The following LONRF1 variants were observed in gnomAD, a reference collection of about 807,000 sequenced individuals.
LONRF1 encodes the protein LON peptidase N-terminal domain and ring finger 1.
In LONRF1, 37 loss-of-function variants were observed where a neutral mutation model predicts 85.8. That is an observed-to-expected ratio of 0.43 (90% CI 0.33 to 0.57). The LOEUF is 0.57. Ranked by LOEUF, LONRF1 falls within the 20% of genes least tolerant of loss-of-function variation. The pLI is 0.04. For missense variants in LONRF1, 1,036 were observed against 978.0 expected, an observed-to-expected ratio of 1.06 and a Z score of -0.79; for synonymous variants, 517 against 390.1, an observed-to-expected ratio of 1.33 and a Z score of -3.83.
chr8:12,740,841 A>G (rs1312455570), intron 3 of LONRF1, 33 bp downstream of exon 3: 5 of 1,609,838 alleles, frequency 3.1e-6, no homozygotes, highest in Non-Finnish European at 3.4e-6. Context: ...TCTTAGCCCT[A>G]CCATGAACTG....
At chr8:12,737,948 A>C in intron 4 of LONRF1, 47 bp downstream of exon 4, 1 of 1,550,022 alleles carries the variant, frequency 6.5e-7, no homozygotes. Flanking sequence ...TTAACTCGTA[A>C]AGAAATGGAT....
In LONRF1 at chr8:12,755,319, G is replaced by A. The variant is rs1188961472; in HGVS notation, c.102C>T (p.Ser34=). The part of the protein sequence containing the change: ...RGRFWEVGGG[S]GHRLERAAAE... Reference sequence around the variant, plus strand: ...CGGCCGCGCGCTCCAGCCGATGGCCGCTGCCGCCGCCCACTTCCCAGAACC... The same window carrying A: ...CGGCCGCGCGCTCCAGCCGATGGCCACTGCCGCCGCCCACTTCCCAGAACC... Residue 34 remains serine, a synonymous_variant, in exon 1 of 12, where the codon AGC becomes AGT. Coordinates refer to ENST00000398246, the MANE Select transcript of LONRF1 (RefSeq NM_152271.5). 2 of 1,253,190 alleles carry A rather than the reference G, an allele frequency of 1.6e-6. No homozygotes were observed. Among genetic ancestry groups the A allele is most frequent in the African/African-American group, 1.6e-5 (1 of 63,502 alleles). The allele number at this position is 1,253,190 out of a possible 1,614,324, so 77.6% of individuals were successfully genotyped here.
intron 1 of LONRF1, among the ~76,000 whole-genome samples, chr8:12,747,789 T>C (rs1251121283): frequency 6.6e-6 from 1 of 152,004 alleles, no homozygotes; most frequent in Non-Finnish European, 1.5e-5. Flanking sequence ...AACTGGCTCA[T>C]TTCAGTTCAA....
Position 12,755,114 on chromosome 8 carries a change from G to C in LONRF1, c.307C>G (p.Leu103Val). 1 of 1,460,086 alleles carries C rather than the reference G, an allele frequency of 6.8e-7. No individual in the cohort carries two copies. Among genetic ancestry groups the C allele is most frequent in the Non-Finnish European group, 9.0e-7 (1 of 1,110,530 alleles). 90.4% of individuals were successfully genotyped at this position (1,460,086 alleles called of 1,614,324 possible). ...LVFNYRLRHG[L>V]GWSAAPVAGA... ...GCAACCGGGGCCGCGCTCCAGCCCA[G>C]CCCGTGGCGGAGCCGGTAGTTGAAC... Residue 103 changes from leucine (L) to valine (V), a missense_variant, in exon 1 of 12, where the codon CTG becomes GTG. Physicochemically the swap from Leu to Val is conservative, Grantham distance 32. Transcript: ENST00000398246.
chr8:12,755,475 G>A lies in LONRF1; in HGVS notation c.-55C>T, dbSNP rs1446459190. ...CGCCGCCACGGTCCCGGAGCCTCCC[G>A]GGCGCGCGGCTCCGCACGCGGCCCG... On this transcript the variant is annotated 5_prime_UTR_variant, in exon 1 of 12. Coordinates refer to ENST00000398246, the MANE Select transcript of LONRF1 (RefSeq NM_152271.5). 2.0e-6 allele frequency: 2 copies of A among 1,005,374 alleles called. No homozygotes were observed. Among genetic ancestry groups the A allele is most frequent in the Non-Finnish European group, 2.4e-6 (2 of 827,792 alleles). The allele number at this position is 1,005,374 out of a possible 1,614,324, so 62.3% of individuals were successfully genotyped here. A position where few individuals can be genotyped will look rare whatever the true frequency, so the allele number is the denominator to read the frequency against.
chr8:12,728,866 A>G (rs763649656), intron 10 of LONRF1, 35 bp downstream of exon 10: 4 of 1,612,190 alleles, frequency 2.5e-6, no homozygotes, highest in South Asian at 1.1e-5. Context: ...AACAGGATAT[A>G]CGAAAGTATG....
At chr8:12,723,740 T>C (rs998829195) in intron 11 of LONRF1, among the ~76,000 whole-genome samples, 8 of 152,266 alleles carry the variant, frequency 5.3e-5, no homozygotes, top group Admixed American at 1.3e-4. Context: ...ATGCCCCTAG[T>C]TGACAGCCAC....
intron 3 of LONRF1, among the ~76,000 whole-genome samples, 174 bp downstream of exon 3, chr8:12,740,700 A>G (rs1034217914): frequency 2.0e-5 from 3 of 152,216 alleles, no homozygotes; most frequent in Non-Finnish European, 2.9e-5. Context: ...GATTTCACTA[A>G]GAACTCAATA....
At position 12,736,682 on chromosome 8, in the gene LONRF1, T is replaced by C. The variant is rs749227459; in HGVS notation, c.1451+19A>G. ...ACTAACATAAAATATTCATCTTCTA[T>C]AAAGTTTTATATGCTTACCTCATGC... is the stretch of plus-strand genomic sequence containing the variant. On this transcript the variant is annotated intron_variant, in intron 6 of 11. Coordinates refer to ENST00000398246, the MANE Select transcript of LONRF1 (RefSeq NM_152271.5). The C allele has an allele frequency of 6.6e-7, 1 of 1,518,202 alleles. No individual in the cohort carries two copies. The highest frequency in any genetic ancestry group is 9.0e-7 in the Non-Finnish European group (1 of 1,108,504). The allele number at this position is 1,518,202 out of a possible 1,614,324, so 94.0% of individuals were successfully genotyped here. A position where few individuals can be genotyped will look rare whatever the true frequency, so the allele number is the denominator to read the frequency against.
Position 12,755,228 on chromosome 8 carries a change from T to C in LONRF1, c.193A>G (p.Lys65Glu). The change falls in exon 1 of 12, where the codon AAG (lysine) becomes GAG (glutamate). Residue 65 changes from lysine (K) to glutamate (E), a missense_variant. Lys to Glu is a moderately conservative substitution (Grantham distance 56, BLOSUM62 1). This residue lies in a region of LONRF1 where 742 missense variants were observed against 614.4 expected (regional missense o/e 1.21). Coordinates refer to ENST00000398246, the MANE Select transcript of LONRF1 (RefSeq NM_152271.5). ...GCCGCGAACGCCTCCAGCGCGCCCT[T>C]CAGGTGGCCGCCCAGCGCCAGCAGC... ...GELLALGGHLKGALEAFAAAL... is the reference protein window; with the variant it reads ...GELLALGGHLEGALEAFAAAL... The C allele has an allele frequency of 8.0e-7, 1 of 1,244,232 alleles. No homozygotes were observed. Among genetic ancestry groups the C allele is most frequent in the African/African-American group, 1.6e-5 (1 of 63,430 alleles). 77.1% of individuals were successfully genotyped at this position (1,244,232 alleles called of 1,614,324 possible).
intron 8 of LONRF1, 138 bp downstream of exon 8, chr8:12,731,598 T>C (rs990381588): frequency 7.6e-6 from 5 of 661,110 alleles, no homozygotes; most frequent in Admixed American, 3.3e-5. Flanking sequence ...AGATTCTGTC[T>C]GTTGAGGACC....
chr8:12,738,649 C>A (rs908743222), intron 3 of LONRF1: 1 of 152,198 alleles, frequency 6.6e-6, no homozygotes, highest in Non-Finnish European at 1.5e-5. Context: ...TGGGCAGTTA[C>A]TGCTGCCCAA....
At position 12,723,023 on chromosome 8, in the gene LONRF1, C is replaced by A; in HGVS notation, c.*73G>T. 1 of 1,378,092 alleles carries A rather than the reference C, an allele frequency of 7.3e-7. No homozygotes were observed. Among genetic ancestry groups the A allele is most frequent in the South Asian group, 1.6e-5 (1 of 64,444 alleles). 85.4% of individuals were successfully genotyped at this position (1,378,092 alleles called of 1,614,324 possible). A position where few individuals can be genotyped will look rare whatever the true frequency, so the allele number is the denominator to read the frequency against. On this transcript the variant is annotated 3_prime_UTR_variant, in exon 12 of 12. Transcript: ENST00000398246. The stretch of plus-strand genomic sequence containing the variant: ...ATTTCTGAAACCAGCACTAGATGTG[C>A]AAAGGCAGCAGACAATCTGGCCATC...
Position 12,755,349 on chromosome 8 carries a change from T to A in LONRF1, c.72A>T (p.Arg24=). 2.4e-6 allele frequency: 3 copies of A among 1,235,000 alleles called. No homozygotes were observed. Among genetic ancestry groups the A allele is most frequent in the Non-Finnish European group, 3.0e-6 (3 of 985,864 alleles). 76.5% of individuals were successfully genotyped at this position (1,235,000 alleles called of 1,614,324 possible). Residue 24 remains arginine (R), a synonymous_variant, in exon 1 of 12, where the codon CGA becomes CGT. Coordinates refer to ENST00000398246, the MANE Select transcript of LONRF1 (RefSeq NM_152271.5). ...SREMAPAPQG[R]GRFWEVGGGS... Reference sequence around the variant, plus strand: ...CGCCGCCCACTTCCCAGAACCGGCCTCGGCCCTGCGGCGCTGGGGCCATCT... The same window carrying A: ...CGCCGCCCACTTCCCAGAACCGGCCACGGCCCTGCGGCGCTGGGGCCATCT...
chr8:12,724,901 G>A (rs1044202521), intron 11 of LONRF1, among the ~76,000 whole-genome samples: 1 of 152,172 alleles, frequency 6.6e-6, no homozygotes, highest in Admixed American at 6.5e-5. Context: ...GACAAATGTA[G>A]ACCAACCCTT....
chr8:12,734,156 A>C (rs138956718), intron 7 of LONRF1, among the ~76,000 whole-genome samples: 7 of 152,350 alleles, frequency 4.6e-5, no homozygotes, highest in Non-Finnish European at 7.4e-5. Flanking sequence ...TTCATCTAAA[A>C]ACATTGAGCA....
In LONRF1 at chr8:12,731,954, C is replaced by T. The variant is rs1285095754; in HGVS notation, c.1567-97G>A. The T allele has an allele frequency of 7.2e-6, 8 of 1,106,396 alleles. No individual in the cohort carries two copies. The East Asian group carries it at 7.3e-5, about 10-fold the overall frequency. The allele number at this position is 1,106,396 out of a possible 1,614,324, so 68.5% of individuals were successfully genotyped here. A position where few individuals can be genotyped will look rare whatever the true frequency, so the allele number is the denominator to read the frequency against. ...GATATATTAAAGCCTTTATTACATACTTATACCATCAATTCTGGATTAATT... is the reference window on the plus strand; with the variant it reads ...GATATATTAAAGCCTTTATTACATATTTATACCATCAATTCTGGATTAATT... On this transcript the variant is annotated intron_variant, in intron 7 of 11. Coordinates refer to ENST00000398246, the MANE Select transcript of LONRF1 (RefSeq NM_152271.5).
Position 12,735,420 on chromosome 8 carries a change from A to G in LONRF1, c.1452-20T>C. The stretch of plus-strand genomic sequence containing the variant: ...AACAACCTGAAATCAACCAAGATAC[A>G]TGTTAGTTTTCACATTAAACTATCC... On this transcript the variant is annotated intron_variant, in intron 6 of 11. Transcript: ENST00000398246. 6.7e-7 allele frequency: 1 copy of G among 1,483,304 alleles called. No individual in the cohort carries two copies. Among genetic ancestry groups the G allele is most frequent in the Non-Finnish European group, 9.3e-7 (1 of 1,070,690 alleles). 91.9% of individuals were successfully genotyped at this position (1,483,304 alleles called of 1,614,324 possible). A position where few individuals can be genotyped will look rare whatever the true frequency, so the allele number is the denominator to read the frequency against.
At chr8:12,744,933 T>C (rs1241357705) in intron 1 of LONRF1, among the ~76,000 whole-genome samples, 1 of 152,138 alleles carries the variant, frequency 6.6e-6, no homozygotes, top group Non-Finnish European at 1.5e-5. Flanking sequence ...TTATATTTGA[T>C]GACATGCACG....
Sources: allele counts gnomAD v4.1 joint callset (sites outside exome capture counted in the v4.1 genomes callset), GRCh38; gene constraint gnomAD v4.1.1; regional missense constraint gnomAD v4.1.1; transcripts MANE v1.5; gene names NCBI Gene and HGNC (gene_info 2026-07-23, HGNC 2026-07-21).